PTBP3: variants seen among roughly 807,000 people sequenced by gnomAD.
The protein encoded by PTBP3 is polypyrimidine tract binding protein 3.
Under a neutral mutation model 58.7 loss-of-function variants are expected in PTBP3, and 20 were observed. That is an observed-to-expected ratio of 0.34 (90% CI 0.24 to 0.50). The LOEUF (loss-of-function observed/expected upper bound fraction) is 0.50, where lower values mean the gene tolerates loss of function less well. Among genes scored for constraint, PTBP3 ranks in the 20% least tolerant of loss-of-function variants. PTBP3 has a pLI of 0.98. For synonymous variants in PTBP3, 185 were observed against 219.8 expected (o/e 0.84, Z 1.40); for missense variants, 509 against 637.2 (o/e 0.80, Z 2.17).
chr9:112,360,056 G>T, the PTBP3 span, among the ~76,000 whole-genome samples: 2 of 152,128 alleles, frequency 1.3e-5, no homozygotes, highest in African/African-American at 4.8e-5. Context: ...CAATAATCAG[G>T]TTAATATCCA....
chr9:112,266,132 G>A (rs767639796), intron 4 of PTBP3, among the ~76,000 whole-genome samples: 10 of 152,122 alleles, frequency 6.6e-5, no homozygotes, highest in Non-Finnish European at 1.3e-4. Flanking sequence ...CTGTATAATG[G>A]ATAGAGTGTT....
At chr9:112,343,398 T>A in the PTBP3 span, among the ~76,000 whole-genome samples, 1 of 152,042 alleles carries the variant, frequency 6.6e-6, no homozygotes, top group Admixed American at 6.6e-5. Context: ...TAGTTCAAAG[T>A]GCTTTTTACC....
chr9:112,265,970 G>A (rs1274029348), intron 4 of PTBP3, among the ~76,000 whole-genome samples: 1 of 152,118 alleles, frequency 6.6e-6, no homozygotes, highest in Middle Eastern at 3.4e-3. Context: ...TTTTAATCTT[G>A]GTGTACTAGA....
At chr9:112,314,958 A>G (rs900320849) in intron 1 of PTBP3, among the ~76,000 whole-genome samples, 2 of 151,900 alleles carry the variant, frequency 1.3e-5, no homozygotes, top group African/African-American at 4.8e-5. Flanking sequence ...CAGCCTCCCA[A>G]GTAGCTGGGA....
At chr9:112,245,791 C>T (rs1018374275) in intron 7 of PTBP3, among the ~76,000 whole-genome samples, 1 of 151,992 alleles carries the variant, frequency 6.6e-6, no homozygotes, top group African/African-American at 2.4e-5. Context: ...TGTGAACGGG[C>T]TCCTACTGGC....
At chr9:112,290,947 C>CT (rs1297927479) in intron 2 of PTBP3, among the ~76,000 whole-genome samples, 5 of 152,022 alleles carry the variant, frequency 3.3e-5, no homozygotes, top group Admixed American at 2.0e-4. Context: ...TGTGGCCGGG[C>CT]ACAGTGGCTC....
At chr9:112,355,521 C>T in the PTBP3 span, among the ~76,000 whole-genome samples, 2 of 152,106 alleles carry the variant, frequency 1.3e-5, no homozygotes, top group Non-Finnish European at 2.9e-5. Context: ...TATGACACTC[C>T]ATTTCATGTT....
At chr9:112,296,886 T>C (rs758362426) in intron 2 of PTBP3, among the ~76,000 whole-genome samples, 9 of 152,188 alleles carry the variant, frequency 5.9e-5, no homozygotes, top group Non-Finnish European at 7.3e-5. Context: ...ATTCAATTAA[T>C]CATCAATTAC....
At chr9:112,363,516 T>TCACA in the PTBP3 span, among the ~76,000 whole-genome samples, 5,846 of 134,776 alleles carry the variant, frequency 0.043, 173 homozygotes, top group African/African-American at 0.092. Context: ...AGCAAAACTG[T>TCACA]CACACACACA....
chr9:112,235,064 C>T (rs1835389274), intron 7 of PTBP3, among the ~76,000 whole-genome samples, 167 bp from the exon 8 acceptor site: 1 of 152,182 alleles, frequency 6.6e-6, no homozygotes, highest in Non-Finnish European at 1.5e-5. Context: ...GCCTCTGCCA[C>T]TTCCAAAGGC....
intron 1 of PTBP3, among the ~76,000 whole-genome samples, chr9:112,311,035 G>C (rs1459461432): frequency 1.3e-5 from 2 of 152,116 alleles, no homozygotes; most frequent in African/African-American, 4.8e-5. Context: ...AGAGAGTTTT[G>C]AACAGGAGTG....
At chr9:112,316,865 G>C (rs997787071) in intron 1 of PTBP3, among the ~76,000 whole-genome samples, 1 of 151,908 alleles carries the variant, frequency 6.6e-6, no homozygotes, top group African/African-American at 2.4e-5. Flanking sequence ...CCAGCTACTT[G>C]AGAGGCTGAG....
rs1201083138 is a variant in PTBP3, at chr9:112,277,590, T to C, written c.35-1577A>G. On this transcript the variant is annotated intron_variant, in intron 2 of 13. Transcript: ENST00000374257. ...TAGTGTATCAGGCCCGGCACAGTGA[T>C]TCACGCCTGTAATCCCAGCACTTTG... Among the ~76,000 whole-genome samples, 2 of 151,858 alleles carry C rather than the reference T, an allele frequency of 1.3e-5. 1 individual carries two copies. The highest frequency in any genetic ancestry group is 3.9e-4 in the East Asian group (2 of 5,178).
chr9:112,324,126 T>C (rs1232279084), intron 1 of PTBP3, among the ~76,000 whole-genome samples: 3 of 152,006 alleles, frequency 2.0e-5, no homozygotes, highest in Admixed American at 1.3e-4. Flanking sequence ...TTAAAGAGTT[T>C]TTTTAAAAAA....
chr9:112,244,438 C>G (rs1439158306), intron 7 of PTBP3, among the ~76,000 whole-genome samples: 1 of 151,846 alleles, frequency 6.6e-6, no homozygotes, highest in Non-Finnish European at 1.5e-5. Context: ...CTTTGGGAAG[C>G]AGAGTTTGGA....
chr9:112,222,206 A>C lies in PTBP3; in HGVS notation c.*1645T>G. Reference sequence around the variant, plus strand: ...TGACCCTTTTGACAAATTCTGCTTTAAAAAATTCTGATCAACAATTGAAGA... The same window carrying C: ...TGACCCTTTTGACAAATTCTGCTTTCAAAAATTCTGATCAACAATTGAAGA... On this transcript the variant is annotated 3_prime_UTR_variant, in exon 14 of 14. Transcript: ENST00000374257. 1.0e-6 allele frequency: 1 copy of C among 982,840 alleles called. No individual in the cohort carries two copies. Among genetic ancestry groups the C allele is most frequent in the Non-Finnish European group, 1.2e-6 (1 of 827,108 alleles). The allele number at this position is 982,840 out of a possible 1,614,324, so 60.9% of individuals were successfully genotyped here.
the PTBP3 span, among the ~76,000 whole-genome samples, chr9:112,350,215 T>G: frequency 6.6e-6 from 1 of 152,036 alleles, no homozygotes. Flanking sequence ...CTTTGGGGAC[T>G]CAGAGGGTAA....
intron 7 of PTBP3, among the ~76,000 whole-genome samples, chr9:112,243,733 T>C (rs1465309306): frequency 1.3e-5 from 2 of 152,160 alleles, no homozygotes; most frequent in Non-Finnish European, 2.9e-5. Context: ...TACCAACAGT[T>C]AGAAAACAAA....
At chr9:112,338,454 T>A (rs190935367), upstream of PTBP3, among the ~76,000 whole-genome samples, 1,443 of 152,326 alleles carry the variant, frequency 9.5e-3, 28 homozygotes, top group African/African-American at 0.033. Flanking sequence ...CTCTTTGTAC[T>A]TATTTTTTAA....
Sources: gnomAD v4.1 joint callset for allele counts (sites outside exome capture counted in the v4.1 genomes callset) on GRCh38, gnomAD v4.1.1 for gene constraint, MANE v1.5 for transcripts, NCBI Gene and HGNC (gene_info 2026-07-23, HGNC 2026-07-21) for gene names.